Variants in APLP1 observed in about 807,000 individuals in gnomAD.
APLP1 encodes amyloid beta (A4) precursor-like protein 1.
A neutral mutation model predicts 84.5 loss-of-function variants in APLP1; 46 were observed. The observed-to-expected ratio is 0.54, with a 90% CI of 0.43 to 0.70. APLP1 has a LOEUF of 0.70. APLP1 is among the 30% of genes least tolerant of loss of function. APLP1 has a pLI of 0.00. For synonymous variants in APLP1, 376 were observed against 364.0 expected (o/e 1.03, Z -0.38); for missense variants, 826 against 900.2 (o/e 0.92, Z 1.05).
At position 35,873,687 on chromosome 19, in the gene APLP1, A is replaced by G. The variant is rs1042442513; in HGVS notation, c.1030A>G (p.Lys344Glu). The change falls in exon 8 of 17, where the codon AAA becomes GAA. Residue 344 changes from lysine to glutamate, a missense_variant. By Grantham distance (56) the Lys-to-Glu change is moderately conservative (BLOSUM62 1). Transcript: ENST00000221891. ...MADNQSKNLP[K>E]ADRQALNEHF... ...AGACAACCAGTCCAAGAACCTGCCT[A>G]AAGCCGACAGACAGGCCCTGAATGA... The G allele has an allele frequency of 6.2e-7, 1 of 1,614,006 alleles. No individual in the cohort carries two copies.
Position 35,871,903 on chromosome 19 carries a change from G to A in APLP1, c.717G>A (p.Gly239=). 1 of 1,614,160 alleles carries A rather than the reference G, an allele frequency of 6.2e-7. No homozygotes were observed. Among genetic ancestry groups the A allele is most frequent in the African/African-American group, 1.3e-5 (1 of 75,040 alleles). The change falls in exon 6 of 17, where the codon GGG becomes GGA. Residue 239 remains glycine, a synonymous_variant. Transcript: ENST00000221891. Reference sequence around the variant, plus strand: ...GGCCCCCGGGGAGCAGAGTAGAGGGGGCTGAGGACGAGGAAGAGGAGGAAT... The same window carrying A: ...GGCCCCCGGGGAGCAGAGTAGAGGGAGCTGAGGACGAGGAAGAGGAGGAAT... The part of the protein sequence containing the change: ...RSWPPGSRVE[G]AEDEEEEESF...
intron 8 of APLP1, 143 bp downstream of exon 8, chr19:35,873,856 C>T: frequency 1.4e-6 from 1 of 738,370 alleles, no homozygotes; most frequent in Middle Eastern, 3.6e-4. Context: ...TGCCTACATG[C>T]AGCTCTGCCC....
Position 35,871,726 on chromosome 19 carries a change from C to G in APLP1, c.652C>G (p.Pro218Ala), listed in dbSNP as rs1037891802. 3 of 1,613,984 alleles carry G rather than the reference C, an allele frequency of 1.9e-6. No individual in the cohort carries two copies. Among genetic ancestry groups the G allele is most frequent in the Non-Finnish European group, 1.7e-6 (2 of 1,180,038 alleles). The change falls in exon 5 of 17, where the codon CCA (proline) becomes GCA (alanine). Residue 218 changes from proline (P) to alanine (A), a missense_variant. Pro to Ala is a conservative substitution (Grantham distance 27, BLOSUM62 -1). Around this residue, in one of 3 missense-constraint regions of APLP1, gnomAD observed 383 missense variants for 378.3 expected, o/e 1.01. Coordinates refer to ENST00000221891, the MANE Select transcript of APLP1 (RefSeq NM_001024807.3). ...VCCPPPGTPD[P>A]SGTAVGDPST... ...CTGTCCCCCTCCAGGGACCCCCGAC[C>G]CATCTGGGACAGCAGTTGGGTGAGT... is the stretch of plus-strand genomic sequence containing the variant.
At chr19:35,878,435 G>T in intron 13 of APLP1, 149 bp from the exon 14 acceptor site, 2 of 770,476 alleles carry the variant, frequency 2.6e-6, no homozygotes, top group South Asian at 1.6e-5. Flanking sequence ...AGTCCCAGCT[G>T]CTCAGGAGGC....
At chr19:35,877,673 C>A in intron 11 of APLP1, 45 bp from the exon 12 acceptor site, 1 of 1,433,522 alleles carries the variant, frequency 7.0e-7, no homozygotes, top group Non-Finnish European at 9.8e-7. Flanking sequence ...CTCCACTCAC[C>A]CCTATGCTCA....
At chr19:35,871,184 G>T (rs1028618288) in intron 3 of APLP1, 53 bp from the exon 4 acceptor site, 2 of 1,574,820 alleles carry the variant, frequency 1.3e-6, no homozygotes, top group Admixed American at 1.8e-5. Flanking sequence ...TCTGAGGAGG[G>T]TGGGGTTGGT....
At chr19:35,870,577 A>G (rs1360833710) in intron 2 of APLP1, 2 of 272,874 alleles carry the variant, frequency 7.3e-6, no homozygotes, top group East Asian at 2.1e-4. Flanking sequence ...TGAGGTCAGA[A>G]GTTCGAGACC....
Position 35,876,590 on chromosome 19 carries a change from T to G in APLP1, c.1418T>G (p.Leu473Arg), listed in dbSNP as rs1285356334. The G allele has an allele frequency of 6.2e-7, 1 of 1,613,356 alleles. No homozygotes were observed. Among genetic ancestry groups the G allele is most frequent in the East Asian group, 2.2e-5 (1 of 44,828 alleles). ...GGCCTGCTTGACCAGAACCCCCACC[T>G]GGCTCAGGAGCTGCGGCCCCAAATC... ...SLGLLDQNPH[L>R]AQELRPQIQE... Residue 473 changes from leucine (L) to arginine (R), a missense_variant, in exon 11 of 17, where the codon CTG (leucine) becomes CGG (arginine). By Grantham distance (102) the Leu-to-Arg change is moderately radical. This residue lies in a region of APLP1 where 433 missense variants were observed against 496.5 expected (regional missense o/e 0.87). Transcript: ENST00000221891.
At position 35,871,355 on chromosome 19, in the gene APLP1, G is replaced by T. The variant is rs773343295; in HGVS notation, c.537+6G>T. On this transcript the variant is annotated splice_donor_region_variant and intron_variant, in intron 4 of 16. Transcript: ENST00000221891. ...GGCATCAGGAGGCACAGGAGGTCAG[G>T]ACGTTGGCCCACCCGTCCCCAGCCC... 5 of 1,602,654 alleles carry T rather than the reference G, an allele frequency of 3.1e-6. No homozygotes were observed. Among genetic ancestry groups the T allele is most frequent in the Non-Finnish European group, 4.3e-6 (5 of 1,174,864 alleles).
Position 35,879,161 on chromosome 19 carries a change from A to T in APLP1, c.1801A>T (p.Met601Leu). The change falls in exon 16 of 17, where the codon ATG (methionine) becomes TTG (leucine). Residue 601 changes from methionine to leucine, a missense_variant. Met to Leu is a conservative substitution (Grantham distance 15). This residue lies in a region of APLP1 where 433 missense variants were observed against 496.5 expected (regional missense o/e 0.87). Transcript: ENST00000221891. ...AGGGSLIVLS[M>L]LLLRRKKPYG... is the part of the protein sequence containing the mutation. ...CGGAGGCTCCCTCATCGTCCTCTCC[A>T]TGCTGCTCCTGCGCAGGAAGAAGCC... 3 of 1,612,902 alleles carry T rather than the reference A, an allele frequency of 1.9e-6. No homozygotes were observed. The highest frequency in any genetic ancestry group is 2.5e-6 in the Non-Finnish European group (3 of 1,179,978).
rs1437453935 is a variant in APLP1 at position 35,875,186 on chromosome 19, A to C, written c.1344+317A>C. On this transcript the variant is annotated intron_variant, in intron 10 of 16. Transcript: ENST00000221891. The stretch of plus-strand genomic sequence containing the variant: ...TTTTTTTTTTTTTTTTTTTTGAGAC[A>C]GGTTCTTGCTCTGTCGCCCAGGCAG... 3.7e-5 allele frequency among the ~76,000 whole-genome samples: 5 copies of C among 133,360 alleles called. No individual in the cohort carries two copies. In the Admixed American group the frequency reaches 3.9e-4, roughly 10 times the overall value. The allele number at this position is 133,360 out of a possible 152,430, so 87.5% of individuals were successfully genotyped here.
intron 12 of APLP1, 98 bp downstream of exon 12, chr19:35,877,923 G>A: frequency 7.7e-7 from 1 of 1,305,606 alleles, no homozygotes. Context: ...CACCACCACA[G>A]TGACTGGGAG....
At chr19:35,878,690 A>G in intron 14 of APLP1, 36 bp downstream of exon 14, 1 of 1,611,628 alleles carries the variant, frequency 6.2e-7, no homozygotes, top group Middle Eastern at 1.7e-4. Flanking sequence ...CCTAAGGGGA[A>G]CAAGATCGGG....
At chr19:35,876,647 A>G (rs758780056) in intron 11 of APLP1, 31 bp downstream of exon 11, 1 of 1,548,400 alleles carries the variant, frequency 6.5e-7, no homozygotes, top group Non-Finnish European at 8.8e-7. Context: ...CTCCCATTAC[A>G]GATCTCTGAG....
rs532584635 is a variant in APLP1, at chr19:35,872,630, C to A, written c.981+17C>A. The A allele has an allele frequency of 3.1e-6, 5 of 1,607,784 alleles. No homozygotes were observed. Among genetic ancestry groups the A allele is most frequent in the Non-Finnish European group, 4.2e-6 (5 of 1,176,600 alleles). The stretch of plus-strand genomic sequence containing the variant: ...ATTAATGAGGTGATAATACTGGGGG[C>A]CCCAGGACCCCCTACAGTACAGAGC... On this transcript the variant is annotated intron_variant, in intron 7 of 16. Transcript: ENST00000221891.
Position 35,879,707 on chromosome 19 carries a change from G to A in APLP1, c.*266G>A, listed in dbSNP as rs554894995. The A allele has an allele frequency of 1.9e-5, 9 of 476,798 alleles. No homozygotes were observed. The highest frequency in any genetic ancestry group is 1.1e-3 in the Middle Eastern group (2 of 1,794). The allele number at this position is 476,798 out of a possible 1,614,324, so 29.5% of individuals were successfully genotyped here. On this transcript the variant is annotated 3_prime_UTR_variant, in exon 17 of 17. Coordinates refer to ENST00000221891, the MANE Select transcript of APLP1 (RefSeq NM_001024807.3). ...TTATTTATGGCTCTTTAAGGTGACC[G>A]CCACCTTGGTCCTAGTGTCTATTCC...
chr19:35,876,006 C>G (rs1166996156), intron 10 of APLP1, among the ~76,000 whole-genome samples: 1 of 152,046 alleles, frequency 6.6e-6, no homozygotes, highest in Non-Finnish European at 1.5e-5. Context: ...AACTCCTGAC[C>G]TCAGGTGATC....
chr19:35,869,692 G>A lies in APLP1; in HGVS notation c.173G>A (p.Gly58Glu), dbSNP rs1438882030. ...GCCCCGGGGTCGGCCCAGGTGGCTG[G>A]ACTATGCGGGCGCCTAACCCTTCAC... ...AEAPGSAQVA[G>E]LCGRLTLHRD... The change falls in exon 2 of 17, where the codon GGA (glycine) becomes GAA (glutamate). Residue 58 changes from glycine (G) to glutamate (E), a missense_variant. By Grantham distance (98) the Gly-to-Glu change is moderately conservative. This residue lies in a region of APLP1 where 383 missense variants were observed against 378.3 expected (regional missense o/e 1.01). Transcript: ENST00000221891. 1 of 1,611,846 alleles carries A rather than the reference G, an allele frequency of 6.2e-7. No individual in the cohort carries two copies. The highest frequency in any genetic ancestry group is 8.5e-7 in the Non-Finnish European group (1 of 1,179,316).
At chr19:35,873,504 C>T in intron 7 of APLP1, 135 bp from the exon 8 acceptor site, 1 of 813,074 alleles carries the variant, frequency 1.2e-6, no homozygotes. Flanking sequence ...ACCTCGGCCT[C>T]CCAAAGTGCT....
Sources: allele counts gnomAD v4.1 joint callset (sites outside exome capture counted in the v4.1 genomes callset), GRCh38; gene constraint gnomAD v4.1.1; regional missense constraint gnomAD v4.1.1; transcripts MANE v1.5; gene names NCBI Gene and HGNC (gene_info 2026-07-23, HGNC 2026-07-21).